COL1A1: variants seen among roughly 807,000 people sequenced by gnomAD.
The protein encoded by COL1A1 is collagen type I alpha 1 chain, also known as collagen alpha-1(I) chain.
Under a neutral mutation model 195.7 loss-of-function variants are expected in COL1A1, and 21 were observed. That is an observed-to-expected ratio of 0.11 (90% confidence interval 0.08 to 0.15). The LOEUF is 0.15. Ranked by LOEUF, COL1A1 falls within the 10% of genes least tolerant of loss-of-function variation. COL1A1 has a pLI of 1.00. For missense variants in COL1A1, 1,365 were observed against 2,051.0 expected (o/e 0.67, Z 6.46); for synonymous variants, 749 against 747.3 (o/e 1.00, Z -0.04).
At position 50,195,429 on chromosome 17, in the gene COL1A1, C is replaced by T. The variant is rs374322003; in HGVS notation, c.1200+5G>A. 112 of 1,614,012 alleles carry T rather than the reference C, an allele frequency of 6.9e-5. No homozygotes were observed. Among genetic ancestry groups the T allele is most frequent in the Non-Finnish European group, 9.2e-5 (108 of 1,180,018 alleles). Reference sequence around the variant, plus strand: ...AGTGGGACTGAAGCCTGGCAGGATACTTACATTGGCACCTTTAGCACCAGG... The same window carrying T: ...AGTGGGACTGAAGCCTGGCAGGATATTTACATTGGCACCTTTAGCACCAGG... On this transcript the variant is annotated splice_donor_5th_base_variant and intron_variant, in intron 18 of 50. Transcript: ENST00000225964. This position sits in a 1 kb window ranked among gnomAD's most constrained non-coding sequence, Gnocchi z 4.3.
At position 50,201,552 on chromosome 17, in the gene COL1A1, A is replaced by AG. The variant is rs940417429; in HGVS notation, c.-40dup. 18 of 1,572,874 alleles carry AG rather than the reference A, an allele frequency of 1.1e-5. No homozygotes were observed. In the African/African-American group the frequency reaches 2.2e-4, roughly 19 times the overall value. On this transcript the variant is annotated 5_prime_UTR_variant, in exon 1 of 51. Coordinates refer to ENST00000225964, the MANE Select transcript of COL1A1 (RefSeq NM_000088.4). ...ACATGTAGACTCTTTGTGGCTGGGG[A>AG]GGGGGTTAGCGTCCGCTCATGCGTG...
chr17:50,192,346 G>A (rs1907173652), intron 29 of COL1A1, 129 bp downstream of exon 29: 1 of 1,092,666 alleles, frequency 9.2e-7, no homozygotes, highest in Non-Finnish European at 1.4e-6. Context: ...TCCCTTCATG[G>A]GAGGAAGTTC....
At position 50,195,488 on chromosome 17, in the gene COL1A1, A is replaced by G; in HGVS notation, c.1156-10T>C. On this transcript the variant is annotated splice_polypyrimidine_tract_variant and intron_variant, in intron 17 of 50. Transcript: ENST00000225964. The surrounding 1 kb of genome is among the most constrained non-coding windows in gnomAD (Gnocchi z 4.3). ...CAGCACCAGGGTTTCCCTGTGGCAC[A>G]GAGAAAGGAGTGTCAGCAACAGGCA... The G allele has an allele frequency of 1.2e-6, 2 of 1,614,144 alleles. No homozygotes were observed. The highest frequency in any genetic ancestry group is 1.7e-6 in the Non-Finnish European group (2 of 1,180,016).
In COL1A1 at chr17:50,196,105, C is replaced by T. The variant is rs530196272; in HGVS notation, c.1002+50G>A. ...CCATTGTCAGCCCCAAGAGCAGATA[C>T]TGAGACCCCTCCCCACTCCCAGGCC... On this transcript the variant is annotated intron_variant, in intron 15 of 50. Coordinates refer to ENST00000225964, the MANE Select transcript of COL1A1 (RefSeq NM_000088.4). The T allele has an allele frequency of 2.5e-5, 41 of 1,612,196 alleles. No homozygotes were observed. The Admixed American group carries it at 3.3e-4, about 13-fold the overall frequency.
chr17:50,186,156 G>A lies in COL1A1; in HGVS notation c.4006-136C>T. 6.6e-7 allele frequency: 1 copy of A among 1,515,214 alleles called. No homozygotes were observed. The highest frequency in any genetic ancestry group is 9.0e-7 in the Non-Finnish European group (1 of 1,114,022). The allele number at this position is 1,515,214 out of a possible 1,614,324, so 93.9% of individuals were successfully genotyped here. On this transcript the variant is annotated intron_variant, in intron 49 of 50. Transcript: ENST00000225964. The surrounding 1 kb of genome is among the most constrained non-coding windows in gnomAD (Gnocchi z 5.3). ...GAGAGGAGGCACCACCTGCCCATCG[G>A]CAGCCTGTGTCTGAACCACTATCAG...
At chr17:50,193,649 T>G in intron 25 of COL1A1, 2 of 395,144 alleles carry the variant, frequency 5.1e-6, no homozygotes, top group Non-Finnish European at 9.7e-6. Context: ...ACCCAGCTAA[T>G]CTTTTGTATT....
rs1433446878 is a variant in COL1A1, at chr17:50,189,583, T to C, written c.2668-45A>G. On this transcript the variant is annotated intron_variant, in intron 38 of 50. Transcript: ENST00000225964. The surrounding 1 kb of genome is among the most constrained non-coding windows in gnomAD (Gnocchi z 5.5). ...GCTGTCAGACTCCAGGGGGCTCTGG[T>C]GCATCATTGGGTCCTCAGTCAGCCC... The C allele has an allele frequency of 2.5e-6, 4 of 1,612,574 alleles. No individual in the cohort carries two copies. Among genetic ancestry groups the C allele is most frequent in the South Asian group, 1.1e-5 (1 of 90,998 alleles).
rs1021132871 is a variant in COL1A1, at chr17:50,199,405, G to A, written c.369+13C>T. The A allele has an allele frequency of 3.1e-6, 5 of 1,613,750 alleles. No individual in the cohort carries two copies. Among genetic ancestry groups the A allele is most frequent in the South Asian group, 1.1e-5 (1 of 91,032 alleles). On this transcript the variant is annotated intron_variant, in intron 4 of 50. Coordinates refer to ENST00000225964, the MANE Select transcript of COL1A1 (RefSeq NM_000088.4). ...CACCTGCAGCCCCCCACAGCCCAGAGTGCAACGCTTACCCTTGGGCCTCGG... is the reference window on the plus strand; with the variant it reads ...CACCTGCAGCCCCCCACAGCCCAGAATGCAACGCTTACCCTTGGGCCTCGG...
Position 50,194,431 on chromosome 17 carries a change from C to G in COL1A1, c.1532G>C (p.Arg511Pro). 1 of 1,613,610 alleles carries G rather than the reference C, an allele frequency of 6.2e-7. No individual in the cohort carries two copies. Among genetic ancestry groups the G allele is most frequent in the South Asian group, 1.1e-5 (1 of 91,046 alleles). ...VAGPKGPAGE[R>P]GSPGPAGPKG... ...GGGGCCAGCAGGGCCAGGAGAACCA[C>G]GTTCACCAGCGGGACCCTGGTTGGG... The change falls in exon 23 of 51, where the codon CGT becomes CCT. Residue 511 changes from arginine to proline, a missense_variant. By Grantham distance (103) the Arg-to-Pro change is moderately radical (BLOSUM62 -2). This residue lies in a region of COL1A1 where 671 missense variants were observed against 1,099.9 expected (regional missense o/e 0.61). Transcript: ENST00000225964. This position sits in a 1 kb window ranked among gnomAD's most constrained non-coding sequence, Gnocchi z 6.8.
chr17:50,198,040 C>T (rs374165575), intron 7 of COL1A1, 38 bp from the exon 8 acceptor site: 72 of 1,610,524 alleles, frequency 4.5e-5, no homozygotes, highest in Admixed American at 2.0e-4. Context: ...GAAGACAAGT[C>T]CCTGTCAACC....
In COL1A1 at chr17:50,195,720, T is replaced by C. The variant is rs1907523998; in HGVS notation, c.1057-55A>G. On this transcript the variant is annotated intron_variant, in intron 16 of 50. Transcript: ENST00000225964. The surrounding 1 kb of genome is among the most constrained non-coding windows in gnomAD (Gnocchi z 4.3). ...CCACCCTGGGAAACCCAACCTTGCC[T>C]CTCGGGATGGCAGGAGGAAGGGGAG... 8.3e-6 allele frequency: 13 copies of C among 1,558,164 alleles called. No individual in the cohort carries two copies. Among genetic ancestry groups the C allele is most frequent in the Non-Finnish European group, 8.8e-6 (10 of 1,135,502 alleles).
At position 50,184,475 on chromosome 17, in the gene COL1A1, C is replaced by CAAAAAAAAA. The variant is rs58879635; in HGVS notation, c.*1018_*1026dup. 9.3e-6 allele frequency: 1 copy of CAAAAAAAAA among 108,042 alleles called. No homozygotes were observed. Among genetic ancestry groups the CAAAAAAAAA allele is most frequent in the African/African-American group, 4.4e-5 (1 of 22,684 alleles). The allele number at this position is 108,042 out of a possible 1,614,324, so 6.7% of individuals were successfully genotyped here. ...AGAAAAATTCACAAGTCCCCATCCA[C>CAAAAAAAAA]AAAAAAAAAAAAAAAAAAAGAAAAA... On this transcript the variant is annotated 3_prime_UTR_variant, in exon 51 of 51. Transcript: ENST00000225964.
chr17:50,193,874 G>T (rs41316663), intron 25 of COL1A1, 69 bp downstream of exon 25: 4 of 1,402,704 alleles, frequency 2.9e-6, no homozygotes, highest in Non-Finnish European at 4.0e-6. Flanking sequence ...TGAGCCCAGA[G>T]CCCAGGACTC....
Position 50,185,018 on chromosome 17 carries a change from A to C in COL1A1, c.*484T>G, listed in dbSNP as rs1906351448. The C allele has an allele frequency of 4.2e-6, 1 of 235,624 alleles. No homozygotes were observed. Among genetic ancestry groups the C allele is most frequent in the East Asian group, 6.1e-5 (1 of 16,456 alleles). The allele number at this position is 235,624 out of a possible 1,614,324, so 14.6% of individuals were successfully genotyped here. On this transcript the variant is annotated 3_prime_UTR_variant, in exon 51 of 51. Coordinates refer to ENST00000225964, the MANE Select transcript of COL1A1 (RefSeq NM_000088.4). ...CAGGAGCGGGCTGAGGGTGGGGGCC[A>C]CTTGGGTGTTTGAGCATTGCCTTTG... is the stretch of plus-strand genomic sequence containing the variant.
At chr17:50,193,886 T>C (rs1482615904) in intron 25 of COL1A1, 57 bp downstream of exon 25, 2 of 1,507,342 alleles carry the variant, frequency 1.3e-6, no homozygotes, top group Non-Finnish European at 1.8e-6. Flanking sequence ...CCAGGACTCC[T>C]TCAAGTCTCA....
rs772908846 is a variant in COL1A1 at position 50,194,169 on chromosome 17, G to A, written c.1629C>T (p.Ser543=). 6.2e-7 allele frequency: 1 copy of A among 1,613,778 alleles called. No homozygotes were observed. Among genetic ancestry groups the A allele is most frequent in the Non-Finnish European group, 8.5e-7 (1 of 1,179,968 alleles). ...TGCCATCAGGACCAGGGCTGCCAGG[G>A]CTTCCAGTCAGACCCTAGGGAGGCA... The part of the protein sequence containing the change: ...GLPGAKGLTG[S]PGSPGPDGKT... Residue 543 remains serine (S), a synonymous_variant, in exon 24 of 51, where the codon AGC becomes AGT. Transcript: ENST00000225964. This position sits in a 1 kb window ranked among gnomAD's most constrained non-coding sequence, Gnocchi z 6.8.
chr17:50,201,377 A>C, intron 1 of COL1A1, 34 bp downstream of exon 1: 1 of 1,597,314 alleles, frequency 6.3e-7, no homozygotes, highest in Middle Eastern at 1.7e-4. Context: ...CGCGATATAG[A>C]GTATCCTTGC....
At chr17:50,193,771 G>A (rs950935099) in intron 25 of COL1A1, 172 bp downstream of exon 25, 19 of 692,026 alleles carry the variant, frequency 2.7e-5, no homozygotes, top group Middle Eastern at 3.8e-4. Context: ...ATGAGCCACC[G>A]TGCCCCGCCG....
intron 15 of COL1A1, 47 bp from the exon 16 acceptor site, chr17:50,196,023 G>A: frequency 6.3e-7 from 1 of 1,599,366 alleles, no homozygotes; most frequent in South Asian, 1.1e-5. Context: ...GATGGCAGCT[G>A]CAAGTCACAC....
Sources: gnomAD v4.1 joint callset for allele counts on GRCh38, gnomAD v4.1.1 for gene constraint, gnomAD v4.1.1 regional missense constraint, Gnocchi (gnomAD v3.1) non-coding constraint, MANE v1.5 for transcripts, NCBI Gene and HGNC (gene_info 2026-07-23, HGNC 2026-07-21) for gene names.